NIPA1: variants seen among roughly 807,000 people sequenced by gnomAD.
NIPA1 encodes NIPA magnesium transporter 1.
NIPA1 carries 13 observed loss-of-function variants against 23.9 expected under a neutral mutation model. The observed-to-expected ratio is 0.54, with a 90% CI of 0.35 to 0.87. NIPA1 has a LOEUF of 0.87. Among genes scored for constraint, NIPA1 ranks in the 40% least tolerant of loss-of-function variants. The pLI, the probability that NIPA1 is intolerant of heterozygous loss-of-function variation, is 0.01. For missense variants in NIPA1, 362 were observed against 429.7 expected (o/e 0.84, Z 1.39); for synonymous variants, 234 against 202.9 (o/e 1.15, Z -1.30).
chr15:22,818,334 G>T (rs1895466908), intron 3 of NIPA1, among the ~76,000 whole-genome samples: 1 of 152,100 alleles, frequency 6.6e-6, no homozygotes, highest in Admixed American at 6.5e-5. Flanking sequence ...TACTTGGGAG[G>T]CTGAGGCAGG....
At position 22,788,498 on chromosome 15, in the gene NIPA1, C is replaced by CAAAAAAAAAAAAA. The variant is rs905296655; in HGVS notation, c.178+1669_178+1681dup. ...TGGGCGGCAGAGCAAGACTCCATCT[C>CAAAAAAAAAAAAA]AAAAAAAAAAAAAAAAATCTTGCAG... On this transcript the variant is annotated intron_variant, in intron 1 of 4. Coordinates refer to ENST00000337435, the MANE Select transcript of NIPA1 (RefSeq NM_144599.5). 3.0e-4 allele frequency among the ~76,000 whole-genome samples: 27 copies of CAAAAAAAAAAAAA among 89,600 alleles called. 6 individuals carry two copies. The highest frequency in any genetic ancestry group is 4.4e-4 in the Non-Finnish European group (19 of 42,798). 58.8% of individuals were successfully genotyped at this position (89,600 alleles called of 152,430 possible).
At chr15:22,788,798 A>C (rs1362935120) in intron 1 of NIPA1, among the ~76,000 whole-genome samples, 1 of 150,922 alleles carries the variant, frequency 6.6e-6, no homozygotes, top group Non-Finnish European at 1.5e-5. Context: ...TCACACCTGT[A>C]ATCCCAGCTA....
At chr15:22,791,003 G>A (rs1894813447) in intron 1 of NIPA1, among the ~76,000 whole-genome samples, 1 of 152,112 alleles carries the variant, frequency 6.6e-6, no homozygotes, top group Non-Finnish European at 1.5e-5. Flanking sequence ...GATGGATTTA[G>A]GGGTACAAAT....
intron 4 of NIPA1, among the ~76,000 whole-genome samples, chr15:22,822,584 T>C (rs187189141): frequency 0.016 from 2,360 of 152,230 alleles, 203 homozygotes; most frequent in Admixed American, 0.14. Context: ...ATCCCAACAC[T>C]TTGGGAGGCC....
At chr15:22,819,437 T>C (rs577969552) in intron 3 of NIPA1, 1 of 152,292 alleles carries the variant, frequency 6.6e-6, no homozygotes, top group African/African-American at 2.4e-5. Flanking sequence ...CCAATTCAGA[T>C]TGTATACTGA....
At chr15:22,792,333 G>A (rs533307432) in intron 1 of NIPA1, among the ~76,000 whole-genome samples, 1 of 151,700 alleles carries the variant, frequency 6.6e-6, no homozygotes, top group Admixed American at 6.6e-5. Context: ...TCTCAGGAAA[G>A]CTGTGTGTTT....
At chr15:22,815,468 C>T (rs933047276) in intron 3 of NIPA1, among the ~76,000 whole-genome samples, 4 of 151,912 alleles carry the variant, frequency 2.6e-5, no homozygotes, top group Non-Finnish European at 4.4e-5. Flanking sequence ...ATGGCAAAAC[C>T]CTGTCTCTAC....
rs185618839 is a variant in NIPA1, at chr15:22,815,073, C to T, written c.317+2820C>T. Among the ~76,000 whole-genome samples the T allele has an allele frequency of 5.9e-5, 9 of 152,182 alleles. No individual in the cohort carries two copies. The East Asian group carries it at 1.7e-3, about 29-fold the overall frequency. On this transcript the variant is annotated intron_variant, in intron 3 of 4. Transcript: ENST00000337435. ...CCACCCCTGGTCAAGAAGCACTGTT[C>T]TATATGAATATGATGTGATTTTTTT... is the stretch of plus-strand genomic sequence containing the variant.
chr15:22,792,659 A>G (rs1206060956), intron 1 of NIPA1, among the ~76,000 whole-genome samples: 1 of 151,794 alleles, frequency 6.6e-6, no homozygotes, highest in Non-Finnish European at 1.5e-5. Flanking sequence ...GAGGCTTTTA[A>G]GAATTGGGTG....
At chr15:22,806,130 A>T (rs548448019) in intron 1 of NIPA1, among the ~76,000 whole-genome samples, 1 of 152,146 alleles carries the variant, frequency 6.6e-6, no homozygotes, top group Admixed American at 6.6e-5. Context: ...TCACCGTGTT[A>T]GCCAGGATGG....
chr15:22,824,031 G>T lies in NIPA1; in HGVS notation c.782G>T (p.Gly261Val). ...ALECFDSSVFGAIYYVVFTTL... is the reference protein window; with the variant it reads ...ALECFDSSVFVAIYYVVFTTL... Reference sequence around the variant, plus strand: ...GAGTGCTTCGACTCCTCGGTGTTCGGGGCCATCTACTACGTCGTGTTTACC... The same window carrying T: ...GAGTGCTTCGACTCCTCGGTGTTCGTGGCCATCTACTACGTCGTGTTTACC... Residue 261 changes from glycine (G) to valine (V), a missense_variant, in exon 5 of 5, where the codon GGG (glycine) becomes GTG (valine). By Grantham distance (109) the Gly-to-Val change is moderately radical (BLOSUM62 -3). Around this residue, in one of 2 missense-constraint regions of NIPA1, gnomAD observed 277 missense variants for 372.0 expected, o/e 0.74. Coordinates refer to ENST00000337435, the MANE Select transcript of NIPA1 (RefSeq NM_144599.5). The surrounding 1 kb of genome is among the most constrained non-coding windows in gnomAD (Gnocchi z 4.1). The T allele has an allele frequency of 6.2e-7, 1 of 1,614,138 alleles. No individual in the cohort carries two copies. Among genetic ancestry groups the T allele is most frequent in the Non-Finnish European group, 8.5e-7 (1 of 1,179,994 alleles).
intron 1 of NIPA1, among the ~76,000 whole-genome samples, chr15:22,791,767 T>C (rs941483973): frequency 1.3e-5 from 2 of 152,040 alleles, no homozygotes; most frequent in African/African-American, 4.8e-5. Context: ...CACCTGGCCC[T>C]CTTTCACTTT....
At chr15:22,812,608 G>C (rs1895341925) in intron 3 of NIPA1, among the ~76,000 whole-genome samples, 3 of 151,100 alleles carry the variant, frequency 2.0e-5, no homozygotes, top group Admixed American at 2.0e-4. Context: ...AGTTGAGATG[G>C]CACCACAGCA....
intron 3 of NIPA1, among the ~76,000 whole-genome samples, chr15:22,813,215 G>T (rs1326793674): frequency 1.3e-5 from 2 of 152,178 alleles, no homozygotes; most frequent in East Asian, 3.8e-4. Context: ...CCCATGCCAA[G>T]GGACTGAGGA....
intron 3 of NIPA1, chr15:22,819,560 A>G (rs1403931867): frequency 2.0e-5 from 3 of 152,218 alleles, no homozygotes; most frequent in African/African-American, 7.2e-5. Flanking sequence ...AAAAGTTTTC[A>G]GTATTAGAGG....
upstream of NIPA1, chr15:22,786,398 A>C (rs1894696715): frequency 6.4e-6 from 1 of 155,698 alleles, no homozygotes; most frequent in Non-Finnish European, 1.4e-5. Context: ...GGAGTCCTGC[A>C]TTTCCATTTG....
chr15:22,786,604 G>A, upstream of NIPA1: 1 of 708,168 alleles, frequency 1.4e-6, no homozygotes, highest in Non-Finnish European at 1.7e-6. Flanking sequence ...CCCCCATCCC[G>A]CCCCGCGGGG....
intron 1 of NIPA1, among the ~76,000 whole-genome samples, chr15:22,797,646 G>A (rs1392700113): frequency 4.0e-5 from 6 of 151,560 alleles, no homozygotes; most frequent in Admixed American, 1.3e-4. Context: ...TGGGATTATA[G>A]GCATGCGCCA....
At chr15:22,802,132 G>A (rs1352154057) in intron 1 of NIPA1, among the ~76,000 whole-genome samples, 4 of 152,130 alleles carry the variant, frequency 2.6e-5, no homozygotes, top group East Asian at 1.9e-4. Flanking sequence ...GGTGGCTCAC[G>A]CCCGTAATCC....
Sources: allele counts gnomAD v4.1 joint callset (sites outside exome capture counted in the v4.1 genomes callset), GRCh38; gene constraint gnomAD v4.1.1; regional missense constraint gnomAD v4.1.1; non-coding constraint Gnocchi (gnomAD v3.1); transcripts MANE v1.5; gene names NCBI Gene and HGNC (gene_info 2026-07-23, HGNC 2026-07-21).